The following NUP107 variants were observed in gnomAD, a reference collection of about 807,000 sequenced individuals.
NUP107 encodes nucleoporin 107, also known as nuclear pore complex protein Nup107.
In NUP107, 101 loss-of-function variants were observed where a neutral mutation model predicts 141.0. The observed-to-expected ratio is 0.72, with a 90% confidence interval of 0.61 to 0.84. The LOEUF (loss-of-function observed/expected upper bound fraction) is 0.84. Ranked by LOEUF, NUP107 falls within the 40% of genes least tolerant of loss-of-function variation. The pLI, the probability that NUP107 is intolerant of heterozygous loss-of-function variation, is 0.00. For missense variants in NUP107, 941 were observed against 1,102.7 expected (o/e 0.85, Z 2.08); for synonymous variants, 319 against 363.9 (o/e 0.88, Z 1.41).
chr12:68,706,265 G>A, intron 8 of NUP107: 1 of 783,492 alleles, frequency 1.3e-6, no homozygotes, highest in Non-Finnish European at 2.3e-6. Context: ...GGTAGAGCTG[G>A]AGTCTCACCT....
At chr12:68,703,085 A>G (rs1876413233) in intron 8 of NUP107, among the ~76,000 whole-genome samples, 1 of 152,104 alleles carries the variant, frequency 6.6e-6, no homozygotes, top group Non-Finnish European at 1.5e-5. Context: ...ACCTCAGGTG[A>G]TCCACCCACC....
intron 26 of NUP107, among the ~76,000 whole-genome samples, chr12:68,738,782 T>TA (rs1037555006): frequency 6.6e-6 from 1 of 152,204 alleles, no homozygotes; most frequent in African/African-American, 2.4e-5. Context: ...TCCAAGCCTC[T>TA]ACTGTCTTCC....
At chr12:68,742,287 T>G in intron 27 of NUP107, 68 bp from the exon 28 acceptor site, 1 of 988,672 alleles carries the variant, frequency 1.0e-6, no homozygotes, top group East Asian at 2.4e-5. Context: ...TCAGATCGAT[T>G]AGGTAACTAA....
chr12:68,719,273 T>A lies in NUP107; in HGVS notation c.1084-68T>A, dbSNP rs182334082. ...TTCCATAAGTTATCTAAGCTTGTCA[T>A]ATATTGGTTATACTTTACTATAAAG... On this transcript the variant is annotated intron_variant, in intron 12 of 27. Transcript: ENST00000229179. The A allele has an allele frequency of 1.8e-4, 195 of 1,067,100 alleles. No homozygotes were observed. The African/African-American group carries it at 2.9e-3, about 16-fold the overall frequency. The allele number at this position is 1,067,100 out of a possible 1,614,324, so 66.1% of individuals were successfully genotyped here.
chr12:68,690,998 T>C (rs1306700690), intron 4 of NUP107, among the ~76,000 whole-genome samples: 1 of 151,860 alleles, frequency 6.6e-6, no homozygotes, highest in Non-Finnish European at 1.5e-5. Context: ...GAGAATTGCT[T>C]GAACCCAGGA....
chr12:68,724,206 C>A (rs981815068), intron 17 of NUP107, among the ~76,000 whole-genome samples: 1 of 151,490 alleles, frequency 6.6e-6, no homozygotes, highest in South Asian at 2.1e-4. Context: ...ACCCCCTCCC[C>A]AAAAGTTCCA....
intron 5 of NUP107, among the ~76,000 whole-genome samples, chr12:68,695,770 T>C (rs1876021650): frequency 6.6e-6 from 1 of 152,164 alleles, no homozygotes; most frequent in Non-Finnish European, 1.5e-5. Flanking sequence ...AAGCCAGGGA[T>C]AGTGGCTCAT....
rs1878415000 is a variant in NUP107, at chr12:68,743,886, G to A, written c.*1424G>A. ...TCTTTATTCTTACTAATATGCAAATGATTTTTACAGCTCATGCAGTCCTGT... is the reference window on the plus strand; with the variant it reads ...TCTTTATTCTTACTAATATGCAAATAATTTTTACAGCTCATGCAGTCCTGT... On this transcript the variant is annotated 3_prime_UTR_variant, in exon 28 of 28. Coordinates refer to ENST00000229179, the MANE Select transcript of NUP107 (RefSeq NM_020401.4). 1 of 152,060 alleles carries A rather than the reference G, an allele frequency of 6.6e-6. No individual in the cohort carries two copies. Among genetic ancestry groups the A allele is most frequent in the Non-Finnish European group, 1.5e-5 (1 of 68,018 alleles). The allele number at this position is 152,060 out of a possible 1,614,324, so 9.4% of individuals were successfully genotyped here.
intron 6 of NUP107, 146 bp from the exon 7 acceptor site, chr12:68,700,580 T>G (rs1876280197): frequency 2.2e-6 from 1 of 453,814 alleles, no homozygotes; most frequent in Non-Finnish European, 3.7e-6. Flanking sequence ...ACATTACATT[T>G]AATTTAAAAA....
chr12:68,726,161 A>G (rs980522505), intron 18 of NUP107, among the ~76,000 whole-genome samples: 4 of 150,822 alleles, frequency 2.7e-5, no homozygotes, highest in African/African-American at 9.7e-5. Flanking sequence ...GTTTTATTTT[A>G]CTCTTTATGA....
chr12:68,707,087 C>G (rs1876619774), intron 8 of NUP107: 1 of 568,562 alleles, frequency 1.8e-6, no homozygotes, highest in Non-Finnish European at 3.1e-6. Context: ...CGTGACAGCC[C>G]CTTCTAGCCT....
Position 68,743,383 on chromosome 12 carries a change from C to T in NUP107, c.*921C>T, listed in dbSNP as rs1218612559. 1 of 152,240 alleles carries T rather than the reference C, an allele frequency of 6.6e-6. No individual in the cohort carries two copies. Among genetic ancestry groups the T allele is most frequent in the Non-Finnish European group, 1.5e-5 (1 of 68,094 alleles). 9.4% of individuals were successfully genotyped at this position (152,240 alleles called of 1,614,324 possible). ...CGCCACTGCACTCCAGCCTTGGGGA[C>T]AGAGCGAGACACTGTCTCCAAAAAA... On this transcript the variant is annotated 3_prime_UTR_variant, in exon 28 of 28. Transcript: ENST00000229179.
At chr12:68,696,689 GACA>G in intron 5 of NUP107, 127 bp from the exon 6 acceptor site, 1 of 565,640 alleles carries the variant, frequency 1.8e-6, no homozygotes, top group Non-Finnish European at 3.1e-6. Flanking sequence ...CTCCACCCTG[GACA>G]ACAAGAGTGA....
At chr12:68,688,066 C>A (rs1481051395) in intron 1 of NUP107, among the ~76,000 whole-genome samples, 2 of 152,020 alleles carry the variant, frequency 1.3e-5, no homozygotes, top group Non-Finnish European at 2.9e-5. Flanking sequence ...TGGTCACATG[C>A]AGTATACGTT....
intron 14 of NUP107, among the ~76,000 whole-genome samples, chr12:68,720,644 C>T (rs934091000): frequency 6.6e-6 from 1 of 152,014 alleles, no homozygotes; most frequent in Non-Finnish European, 1.5e-5. Flanking sequence ...ACTGGAAATA[C>T]CATTAATAGA....
At chr12:68,725,488 A>G (rs1017944563) in intron 17 of NUP107, among the ~76,000 whole-genome samples, 1 of 152,242 alleles carries the variant, frequency 6.6e-6, no homozygotes, top group African/African-American at 2.4e-5. Context: ...AAATTGTTAT[A>G]ACATAGGTCT....
intron 7 of NUP107, among the ~76,000 whole-genome samples, chr12:68,701,900 C>T (rs1876347939): frequency 6.6e-6 from 1 of 152,038 alleles, no homozygotes; most frequent in Non-Finnish European, 1.5e-5. Flanking sequence ...ACCTCCGCCT[C>T]TGAGGTTCAA....
intron 8 of NUP107, among the ~76,000 whole-genome samples, chr12:68,703,219 C>T (rs1426131466): frequency 2.0e-5 from 3 of 152,088 alleles, no homozygotes; most frequent in Non-Finnish European, 4.4e-5. Flanking sequence ...AAAGTTCAGT[C>T]TCATAAAATA....
chr12:68,689,444 TCA>T, intron 2 of NUP107, 87 bp from the exon 3 acceptor site: 1 of 750,222 alleles, frequency 1.3e-6, no homozygotes, highest in East Asian at 2.6e-5. Context: ...AAAAATGTAT[TCA>T]CATAATTTGT....
Sources: gnomAD v4.1 joint callset for allele counts (sites outside exome capture counted in the v4.1 genomes callset) on GRCh38, gnomAD v4.1.1 for gene constraint, MANE v1.5 for transcripts, NCBI Gene and HGNC (gene_info 2026-07-23, HGNC 2026-07-21) for gene names.